Variants in TYW1B observed in about 807,000 individuals in gnomAD.
TYW1B encodes tRNA-yW synthesizing protein 1 homolog B.
TYW1B carries 73 observed loss-of-function variants against 86.9 expected under a neutral mutation model. The observed-to-expected ratio is 0.84, with a 90% CI of 0.70 to 1.02. The LOEUF (loss-of-function observed/expected upper bound fraction) is 1.02, where lower values mean the gene tolerates loss of function less well. Ranked by LOEUF, TYW1B falls within the 50% of genes least tolerant of loss-of-function variation. TYW1B has a pLI of 0.00. For synonymous variants in TYW1B, 248 were observed against 292.8 expected, an observed-to-expected ratio of 0.85 and a Z score of 1.56; for missense variants, 637 against 827.4, an observed-to-expected ratio of 0.77 and a Z score of 2.82.
chr7:72,743,698 G>A (rs1233786328), intron 8 of TYW1B, among the ~76,000 whole-genome samples: 1 of 151,918 alleles, frequency 6.6e-6, no homozygotes, highest in Non-Finnish European at 1.5e-5. Context: ...ACAAAAATTA[G>A]CTGGGCGTGG....
chr7:72,672,814 G>A (rs1324236348), intron 11 of TYW1B, among the ~76,000 whole-genome samples: 2 of 152,134 alleles, frequency 1.3e-5, no homozygotes, highest in East Asian at 1.9e-4. Context: ...ACACATGTGT[G>A]TACATTTTGT....
At chr7:72,649,197 G>C (rs572001474) in intron 11 of TYW1B, among the ~76,000 whole-genome samples, 69 of 152,296 alleles carry the variant, frequency 4.5e-4, no homozygotes, top group African/African-American at 1.5e-3. Flanking sequence ...CGAATGACTA[G>C]TAAGGAATAC....
intron 9 of TYW1B, among the ~76,000 whole-genome samples, chr7:72,727,380 G>C (rs1171600520): frequency 7.2e-5 from 11 of 152,164 alleles, no homozygotes; most frequent in African/African-American, 2.2e-4. Flanking sequence ...GGTAGGTAGA[G>C]ACCAGAGCAT....
intron 6 of TYW1B, among the ~76,000 whole-genome samples, chr7:72,797,295 C>G (rs1206873915): frequency 6.6e-6 from 1 of 152,110 alleles, no homozygotes; most frequent in African/African-American, 2.4e-5. Flanking sequence ...AATCAACTGC[C>G]CAATGATTTA....
chr7:72,638,191 C>G (rs1273471547), intron 11 of TYW1B, among the ~76,000 whole-genome samples: 4 of 150,648 alleles, frequency 2.7e-5, no homozygotes, highest in African/African-American at 9.7e-5. Context: ...ACAAATGTCC[C>G]AAACAGTCTA....
chr7:72,693,146 C>T (rs2960958), intron 11 of TYW1B, among the ~76,000 whole-genome samples: 1 of 151,280 alleles, frequency 6.6e-6, no homozygotes, highest in South Asian at 2.1e-4. Flanking sequence ...CAAGAAGGCA[C>T]AAAGAACGCT....
At chr7:72,681,889 GT>G (rs1183345309) in intron 11 of TYW1B, among the ~76,000 whole-genome samples, 1 of 149,874 alleles carries the variant, frequency 6.7e-6, no homozygotes, top group Non-Finnish European at 1.5e-5. Context: ...CCGGCCGTCT[GT>G]TTTTTTAGAT....
At chr7:72,809,284 C>CT (rs1788557146) in intron 4 of TYW1B, among the ~76,000 whole-genome samples, 1 of 152,072 alleles carries the variant, frequency 6.6e-6, no homozygotes, top group Non-Finnish European at 1.5e-5. Flanking sequence ...ACCTCGTGAT[C>CT]CGCCTGCCTC....
intron 11 of TYW1B, among the ~76,000 whole-genome samples, chr7:72,673,417 C>A (rs1554446756): frequency 6.6e-6 from 1 of 152,066 alleles, no homozygotes; most frequent in Non-Finnish European, 1.5e-5. Flanking sequence ...ACTATTCACC[C>A]ATAAAAAAAG....
intron 8 of TYW1B, among the ~76,000 whole-genome samples, chr7:72,731,409 A>C (rs1787106283): frequency 1.3e-5 from 2 of 150,780 alleles, no homozygotes; most frequent in East Asian, 1.9e-4. Context: ...AAAAAAAAAA[A>C]AAAAAACAAG....
chr7:72,803,357 C>T (rs1788438603), intron 5 of TYW1B, among the ~76,000 whole-genome samples: 2 of 152,054 alleles, frequency 1.3e-5, no homozygotes, highest in Admixed American at 1.3e-4. Flanking sequence ...GGGAACGAGA[C>T]ACATGCCAAG....
intron 5 of TYW1B, among the ~76,000 whole-genome samples, chr7:72,802,819 C>T (rs1454627924): frequency 1.2e-4 from 18 of 152,234 alleles, no homozygotes; most frequent in African/African-American, 4.3e-4. Context: ...CAGGGTTTCA[C>T]CATGTTGGCC....
intron 11 of TYW1B, among the ~76,000 whole-genome samples, chr7:72,652,714 T>C (rs1554443004): frequency 1.3e-5 from 2 of 152,164 alleles, no homozygotes; most frequent in Non-Finnish European, 2.9e-5. Context: ...ATCAGACTTA[T>C]ATATGTTATT....
intron 13 of TYW1B, among the ~76,000 whole-genome samples, chr7:72,595,146 A>T (rs544329377): frequency 6.6e-6 from 1 of 152,350 alleles, no homozygotes; most frequent in Non-Finnish European, 1.5e-5. Flanking sequence ...CACAGCAATT[A>T]GGTAAGAAGA....
At chr7:72,624,446 T>C (rs548651053) in intron 12 of TYW1B, among the ~76,000 whole-genome samples, 11 of 152,352 alleles carry the variant, frequency 7.2e-5, no homozygotes, top group African/African-American at 2.4e-4. Flanking sequence ...GGATGTAAAA[T>C]GCAAACTAAA....
chr7:72,788,208 T>C (rs1256478121), intron 6 of TYW1B, among the ~76,000 whole-genome samples: 1 of 152,086 alleles, frequency 6.6e-6, no homozygotes, highest in Non-Finnish European at 1.5e-5. Context: ...CTCGATCTCC[T>C]GACCTCATGA....
intron 11 of TYW1B, among the ~76,000 whole-genome samples, chr7:72,652,823 TA>T: frequency 6.6e-6 from 1 of 152,342 alleles, no homozygotes; most frequent in South Asian, 2.1e-4. Flanking sequence ...GTAACCTTAC[TA>T]AAGGGCAAAT....
At chr7:72,674,230 T>C (rs1482587881) in intron 11 of TYW1B, among the ~76,000 whole-genome samples, 1 of 152,132 alleles carries the variant, frequency 6.6e-6, no homozygotes, top group African/African-American at 2.4e-5. Flanking sequence ...CTAGTCCAGA[T>C]TGGCAGCAAC....
chr7:72,599,990 T>C lies in TYW1B; in HGVS notation c.1785+16682A>G, dbSNP rs1315621077. ...TTCAGGGCAATCCCAATCAAAATCC[T>C]AGAGAGTGATTTTGTAGACATTGAC... On this transcript the variant is annotated intron_variant, in intron 13 of 13. Coordinates refer to ENST00000620995, the MANE Select transcript of TYW1B (RefSeq NM_001145440.3). Among the ~76,000 whole-genome samples, 59 of 152,288 alleles carry C rather than the reference T, an allele frequency of 3.9e-4. 1 individual carries two copies. Among genetic ancestry groups the C allele is most frequent in the Non-Finnish European group, 7.4e-5 (5 of 68,008 alleles).
Sources: allele counts gnomAD v4.1 joint callset (sites outside exome capture counted in the v4.1 genomes callset), GRCh38; gene constraint gnomAD v4.1.1; transcripts MANE v1.5; gene names NCBI Gene and HGNC (gene_info 2026-07-23, HGNC 2026-07-21).